Variants in CDH6 observed in about 807,000 individuals in gnomAD.
CDH6 encodes cadherin 6.
In CDH6, 31 loss-of-function variants were observed where a neutral mutation model predicts 78.0. The observed-to-expected ratio is 0.40, with a 90% CI of 0.30 to 0.54. The LOEUF is 0.54. Among genes scored for constraint, CDH6 ranks in the 20% least tolerant of loss-of-function variants. CDH6 has a pLI of 0.56. For synonymous variants in CDH6, 376 were observed against 368.8 expected, an observed-to-expected ratio of 1.02 and a Z score of -0.23; for missense variants, 724 against 975.9, an observed-to-expected ratio of 0.74 and a Z score of 3.44.
intron 2 of CDH6, among the ~76,000 whole-genome samples, chr5:31,288,173 A>G (rs1462092818): frequency 6.6e-6 from 1 of 152,178 alleles, no homozygotes; most frequent in Non-Finnish European, 1.5e-5. Context: ...CACACATATT[A>G]CAATGTGAAA....
intron 1 of CDH6, among the ~76,000 whole-genome samples, chr5:31,239,828 ATGCT>A (rs1741550432): frequency 1.3e-5 from 2 of 152,200 alleles, no homozygotes; most frequent in Non-Finnish European, 2.9e-5. Flanking sequence ...GGGATGAAAC[ATGCT>A]TGCCAGTTTC....
intron 1 of CDH6, among the ~76,000 whole-genome samples, chr5:31,229,179 T>C (rs1372647876): frequency 1.3e-5 from 2 of 151,986 alleles, no homozygotes; most frequent in East Asian, 1.9e-4. Context: ...AAAACCTGAG[T>C]CCGATCAAGG....
chr5:31,204,377 C>A (rs1246387225), intron 1 of CDH6, among the ~76,000 whole-genome samples: 4 of 152,126 alleles, frequency 2.6e-5, no homozygotes, highest in Non-Finnish European at 5.9e-5. Context: ...ACCACTTTCT[C>A]CCCAAACGTA....
chr5:31,269,772 G>A (rs1393003144), intron 2 of CDH6, among the ~76,000 whole-genome samples: 1 of 152,140 alleles, frequency 6.6e-6, no homozygotes, highest in East Asian at 1.9e-4. Flanking sequence ...GGATTCGTTG[G>A]ATTTGGATAT....
intron 1 of CDH6, among the ~76,000 whole-genome samples, chr5:31,229,323 G>C (rs1741249167): frequency 6.6e-6 from 1 of 152,198 alleles, no homozygotes; most frequent in South Asian, 2.1e-4. Context: ...TCACCATACT[G>C]GTTAGAAATT....
intron 1 of CDH6, among the ~76,000 whole-genome samples, chr5:31,247,275 A>C (rs1741778845): frequency 6.6e-6 from 1 of 152,220 alleles, no homozygotes; most frequent in African/African-American, 2.4e-5. Context: ...TGTTCTCCAC[A>C]TTAATACCTT....
At chr5:31,322,349 A>G (rs75183848) in intron 11 of CDH6, among the ~76,000 whole-genome samples, 1 of 151,328 alleles carries the variant, frequency 6.6e-6, no homozygotes, top group South Asian at 2.1e-4. Context: ...AAAAAAAAAA[A>G]GGCATAGCGC....
At chr5:31,296,328 T>C (rs1476581432) in intron 3 of CDH6, among the ~76,000 whole-genome samples, 2 of 152,230 alleles carry the variant, frequency 1.3e-5, no homozygotes, top group Admixed American at 1.3e-4. Context: ...ATCTACAGAA[T>C]TTCTCCTCAG....
rs550689333 is a variant in CDH6 at position 31,293,889 on chromosome 5, A to C, written c.229-73A>C. The C allele has an allele frequency of 1.5e-5, 16 of 1,034,696 alleles. No individual in the cohort carries two copies. In the South Asian group the frequency reaches 2.4e-4, roughly 15 times the overall value. The allele number at this position is 1,034,696 out of a possible 1,614,324, so 64.1% of individuals were successfully genotyped here. A position where few individuals can be genotyped will look rare whatever the true frequency, so the allele number is the denominator to read the frequency against. On this transcript the variant is annotated intron_variant, in intron 2 of 11. Transcript: ENST00000265071. ...TTTAATAAAAGTTAATGTAGCATGC[A>C]CCAAAAAGACAAAAACAGTTTAGAA...
In CDH6 at chr5:31,302,132, C is replaced by T. The variant is rs2149951527; in HGVS notation, c.833C>T (p.Pro278Leu). ...ATAGGTACATACCAGTTTAAAACTC[C>T]TGAATCTTCTCCACCGGGGACACCA... is the stretch of plus-strand genomic sequence containing the variant. ...FPQSTYQFKTPESSPPGTPIG... is the reference protein window; with the variant it reads ...FPQSTYQFKTLESSPPGTPIG... The change falls in exon 6 of 12, where the codon CCT becomes CTT. Residue 278 changes from proline (P) to leucine (L), a missense_variant. Physicochemically the swap from Pro to Leu is moderately conservative, Grantham distance 98 (BLOSUM62 -3). Around this residue, in one of 3 missense-constraint regions of CDH6, gnomAD observed 446 missense variants for 684.5 expected, o/e 0.65. Coordinates refer to ENST00000265071, the MANE Select transcript of CDH6 (RefSeq NM_004932.4). The T allele has an allele frequency of 6.2e-7, 1 of 1,613,494 alleles. No homozygotes were observed.
intron 1 of CDH6, among the ~76,000 whole-genome samples, chr5:31,266,827 A>G (rs1347478424): frequency 6.6e-6 from 1 of 152,188 alleles, no homozygotes; most frequent in Non-Finnish European, 1.5e-5. Flanking sequence ...ATCACAGCTC[A>G]TCTCTGAAGC....
chr5:31,300,671 A>G (rs1307618624), intron 5 of CDH6, among the ~76,000 whole-genome samples: 1 of 152,204 alleles, frequency 6.6e-6, no homozygotes, highest in African/African-American at 2.4e-5. Flanking sequence ...GAAGAATAAC[A>G]TAAGGATTCC....
intron 1 of CDH6, among the ~76,000 whole-genome samples, chr5:31,224,505 C>G (rs749986679): frequency 6.6e-6 from 1 of 152,162 alleles, no homozygotes; most frequent in African/African-American, 2.4e-5. Context: ...CTAGAAGACA[C>G]AGTTAATCTC....
intron 11 of CDH6, among the ~76,000 whole-genome samples, chr5:31,321,507 T>G (rs1738478447): frequency 6.6e-6 from 1 of 152,210 alleles, no homozygotes; most frequent in Admixed American, 6.5e-5. Flanking sequence ...AATGATGGTA[T>G]CTACTTGTAG....
chr5:31,282,764 A>T (rs188595124), intron 2 of CDH6, among the ~76,000 whole-genome samples: 4 of 152,330 alleles, frequency 2.6e-5, no homozygotes, highest in Admixed American at 2.6e-4. Context: ...TGTCAAGGGA[A>T]TTAGTAAATT....
At chr5:31,308,506 A>G (rs1275610855) in intron 7 of CDH6, among the ~76,000 whole-genome samples, 1 of 151,904 alleles carries the variant, frequency 6.6e-6, no homozygotes, top group Non-Finnish European at 1.5e-5. Flanking sequence ...GTTTCTTATC[A>G]GTGATAATTA....
At chr5:31,218,537 C>A (rs1740926946) in intron 1 of CDH6, among the ~76,000 whole-genome samples, 1 of 152,074 alleles carries the variant, frequency 6.6e-6, no homozygotes, top group South Asian at 2.1e-4. Context: ...TGCTATCTTC[C>A]CCCATTCTAC....
rs1738539489 is a variant in CDH6, at chr5:31,323,630, T to C, written c.*322T>C. On this transcript the variant is annotated 3_prime_UTR_variant, in exon 12 of 12. Coordinates refer to ENST00000265071, the MANE Select transcript of CDH6 (RefSeq NM_004932.4). ...CCGCTGTCCTGGTGTTTTACTACACTCCATGTCAGGTCAGCCAACTGCCCT... is the reference window on the plus strand; with the variant it reads ...CCGCTGTCCTGGTGTTTTACTACACCCCATGTCAGGTCAGCCAACTGCCCT... 1 of 336,570 alleles carries C rather than the reference T, an allele frequency of 3.0e-6. No individual in the cohort carries two copies. The highest frequency in any genetic ancestry group is 5.5e-6 in the Non-Finnish European group (1 of 181,432). The allele number at this position is 336,570 out of a possible 1,614,324, so 20.8% of individuals were successfully genotyped here. A position where few individuals can be genotyped will look rare whatever the true frequency, so the allele number is the denominator to read the frequency against.
intron 1 of CDH6, chr5:31,251,614 C>A (rs1193809668): frequency 6.6e-6 from 1 of 152,198 alleles, no homozygotes; most frequent in African/African-American, 2.4e-5. Flanking sequence ...TCACTACCCA[C>A]CTCTTGGGAA....
Sources: gnomAD v4.1 joint callset for allele counts (sites outside exome capture counted in the v4.1 genomes callset) on GRCh38, gnomAD v4.1.1 for gene constraint, gnomAD v4.1.1 regional missense constraint, MANE v1.5 for transcripts, NCBI Gene and HGNC (gene_info 2026-07-23, HGNC 2026-07-21) for gene names.